Variants in ARMC9 observed in about 807,000 individuals in gnomAD.
ARMC9 encodes lisH domain-containing protein ARMC9.
A neutral mutation model predicts 107.0 loss-of-function variants in ARMC9; 94 were observed. The observed-to-expected ratio is 0.88, with a 90% CI of 0.74 to 1.04. ARMC9 has a LOEUF of 1.04. Among genes scored for constraint, ARMC9 ranks in the 50% least tolerant of loss-of-function variants. The probability of loss-of-function intolerance (pLI) is 0.00; values close to 1 mark genes in which losing one functional copy is unlikely to be tolerated. For missense variants in ARMC9, 942 were observed against 1,030.1 expected (o/e 0.91, Z 1.17); for synonymous variants, 380 against 396.9 (o/e 0.96, Z 0.51).
chr2:231,325,084 C>T (rs2043239015), intron 19 of ARMC9, among the ~76,000 whole-genome samples: 1 of 151,846 alleles, frequency 6.6e-6, no homozygotes, highest in African/African-American at 2.4e-5. Context: ...ATTAGCCAGG[C>T]GTACTGGTAC....
chr2:231,344,356 G>T (rs985125663), intron 20 of ARMC9, among the ~76,000 whole-genome samples: 4 of 152,118 alleles, frequency 2.6e-5, no homozygotes, highest in Non-Finnish European at 5.9e-5. Flanking sequence ...ACCTTGTTTT[G>T]TAAAGTTGTA....
chr2:231,355,834 G>A lies in ARMC9; in HGVS notation c.2031G>A (p.Gln677=), dbSNP rs1240559108. Reference sequence around the variant, plus strand: ...AACACACACCTCCCCAGACAGCCCAGCACGCCAGAAACGGCCACCCGCAGG... The same window carrying A: ...AACACACACCTCCCCAGACAGCCCAACACGCCAGAAACGGCCACCCGCAGG... ...EDQHTPPQTA[Q]HARNGHPQAL... is the part of the protein sequence containing the mutation. The change falls in exon 22 of 25, where the codon CAG becomes CAA. Residue 677 remains glutamine (Q), a synonymous_variant. Coordinates refer to ENST00000611582, the MANE Select transcript of ARMC9 (RefSeq NM_001352754.2). 1.3e-6 allele frequency: 2 copies of A among 1,535,968 alleles called. No homozygotes were observed. Among genetic ancestry groups the A allele is most frequent in the East Asian group, 2.4e-5 (1 of 40,934 alleles).
intron 19 of ARMC9, among the ~76,000 whole-genome samples, chr2:231,325,776 T>TGG (rs1474714810): frequency 1.3e-5 from 2 of 152,178 alleles, no homozygotes; most frequent in Non-Finnish European, 2.9e-5. Context: ...AGAGTTGACT[T>TGG]GGGGTAGGGC....
intron 12 of ARMC9, among the ~76,000 whole-genome samples, chr2:231,265,703 T>TA (rs573792022): frequency 0.12 from 17,626 of 143,678 alleles, 1,973 homozygotes; most frequent in African/African-American, 0.29. Flanking sequence ...ACTTTTTTTC[T>TA]AAAAAAAAAA....
At chr2:231,330,480 G>C (rs191895899) in intron 19 of ARMC9, among the ~76,000 whole-genome samples, 1 of 152,192 alleles carries the variant, frequency 6.6e-6, no homozygotes, top group African/African-American at 2.4e-5. Flanking sequence ...ACCCCAGGAA[G>C]GGTGTGAGGG....
rs192750676 is a variant in ARMC9, at chr2:231,373,915, A to T, written c.*2380A>T. 3 of 150,796 alleles carry T rather than the reference A, an allele frequency of 2.0e-5. No individual in the cohort carries two copies. Among genetic ancestry groups the T allele is most frequent in the Admixed American group, 1.3e-4 (2 of 15,134 alleles). The allele number at this position is 150,796 out of a possible 1,614,324, so 9.3% of individuals were successfully genotyped here. On this transcript the variant is annotated 3_prime_UTR_variant, in exon 25 of 25. Transcript: ENST00000611582. The surrounding 1 kb of genome is among the most constrained non-coding windows in gnomAD (Gnocchi z 4.4). The stretch of plus-strand genomic sequence containing the variant: ...TCCGTCAAAAAAAAAAAAAAAATAC[A>T]TTGAGATTACCAGGTGGGGTATGTG...
intron 11 of ARMC9, among the ~76,000 whole-genome samples, chr2:231,261,785 A>G (rs1176935354): frequency 6.6e-6 from 1 of 151,508 alleles, no homozygotes; most frequent in East Asian, 1.9e-4. Flanking sequence ...GTTCACATGT[A>G]TAAGTTGGCT....
chr2:231,315,761 G>T (rs953401745), intron 19 of ARMC9, among the ~76,000 whole-genome samples: 16 of 152,052 alleles, frequency 1.1e-4, no homozygotes, highest in Non-Finnish European at 1.9e-4. Flanking sequence ...ATACGGTTGG[G>T]TTTAATTCTG....
At position 231,272,946 on chromosome 2, in the gene ARMC9, T is replaced by G. The variant is rs139632830; in HGVS notation, c.1211-9T>G. The G allele has an allele frequency of 2.3e-5, 37 of 1,610,176 alleles. No homozygotes were observed. The highest frequency in any genetic ancestry group is 3.1e-5 in the Non-Finnish European group (36 of 1,178,860). Reference sequence around the variant, plus strand: ...TCTTTCACCTGTTTCATCTCTGGTGTATTATCAGGTCGCCTCTACCTTGCC... The same window carrying G: ...TCTTTCACCTGTTTCATCTCTGGTGGATTATCAGGTCGCCTCTACCTTGCC... On this transcript the variant is annotated splice_polypyrimidine_tract_variant and intron_variant, in intron 13 of 24. Coordinates refer to ENST00000611582, the MANE Select transcript of ARMC9 (RefSeq NM_001352754.2).
intron 16 of ARMC9, 73 bp from the exon 17 acceptor site, chr2:231,281,986 G>T: frequency 2.8e-6 from 4 of 1,404,784 alleles, no homozygotes; most frequent in Non-Finnish European, 4.0e-6. Flanking sequence ...TTGTTCTGAG[G>T]TGTGGTGTTT....
At chr2:231,370,931 T>C (rs2045995157) in intron 24 of ARMC9, 1 of 352,236 alleles carries the variant, frequency 2.8e-6, no homozygotes. Flanking sequence ...CCCTACTACC[T>C]TCCTGGCCAG....
intron 17 of ARMC9, among the ~76,000 whole-genome samples, chr2:231,286,838 A>G (rs1055950988): frequency 1.2e-4 from 18 of 152,250 alleles, no homozygotes; most frequent in African/African-American, 4.3e-4. Context: ...GTAATCTTAC[A>G]AGAATACCTA....
chr2:231,229,822 A>G (rs1050355144), intron 7 of ARMC9, among the ~76,000 whole-genome samples: 10 of 152,336 alleles, frequency 6.6e-5, no homozygotes, highest in Middle Eastern at 6.8e-3. Flanking sequence ...ACAATTCCAT[A>G]TTTAAAAGTT....
intron 18 of ARMC9, among the ~76,000 whole-genome samples, chr2:231,293,538 A>T (rs2041167073): frequency 6.6e-6 from 1 of 152,168 alleles, no homozygotes; most frequent in African/African-American, 2.4e-5. Context: ...CCCAAAAAAC[A>T]TCTTTTTCTC....
chr2:231,215,640 G>T (rs960914541), intron 4 of ARMC9, among the ~76,000 whole-genome samples: 2 of 152,224 alleles, frequency 1.3e-5, no homozygotes, highest in Admixed American at 1.3e-4. Flanking sequence ...AAGCTGCTGC[G>T]GTGGCTGAGC....
At position 231,355,953 on chromosome 2, in the gene ARMC9, C is replaced by T; in HGVS notation, c.2131+19C>T. ...TCTTCATGTAAGAATGTGGGCAGCA[C>T]ACTGGGTCAGTTCTGGGATTGTGAT... On this transcript the variant is annotated intron_variant, in intron 22 of 24. Transcript: ENST00000611582. 1 of 1,531,218 alleles carries T rather than the reference C, an allele frequency of 6.5e-7. No homozygotes were observed. The highest frequency in any genetic ancestry group is 8.7e-7 in the Non-Finnish European group (1 of 1,143,238). The allele number at this position is 1,531,218 out of a possible 1,614,324, so 94.9% of individuals were successfully genotyped here. A position where few individuals can be genotyped will look rare whatever the true frequency, so the allele number is the denominator to read the frequency against.
At chr2:231,203,997 C>A (rs1164313980) in intron 1 of ARMC9, among the ~76,000 whole-genome samples, 1 of 151,442 alleles carries the variant, frequency 6.6e-6, no homozygotes, top group East Asian at 1.9e-4. Flanking sequence ...CACCAAAAAC[C>A]AAACAAATGA....
intron 19 of ARMC9, among the ~76,000 whole-genome samples, chr2:231,308,076 TC>T (rs1432430847): frequency 6.6e-6 from 1 of 152,142 alleles, no homozygotes; most frequent in Non-Finnish European, 1.5e-5. Context: ...GAGTGGACAC[TC>T]ACTGAAGATT....
chr2:231,226,903 A>G, intron 7 of ARMC9, 105 bp downstream of exon 7: 1 of 1,359,212 alleles, frequency 7.4e-7, no homozygotes, highest in South Asian at 1.2e-5. Flanking sequence ...TTTGGCTTTA[A>G]GAGTCTAAAT....
Sources: allele counts gnomAD v4.1 joint callset (sites outside exome capture counted in the v4.1 genomes callset), GRCh38; gene constraint gnomAD v4.1.1; non-coding constraint Gnocchi (gnomAD v3.1); transcripts MANE v1.5; gene names NCBI Gene and HGNC (gene_info 2026-07-23, HGNC 2026-07-21).